KANSL1: variants seen among roughly 807,000 people sequenced by gnomAD.
KANSL1 encodes the protein MLL1/MLL complex subunit KANSL1.
In KANSL1, 22 loss-of-function variants were observed where a neutral mutation model predicts 103.6. The observed-to-expected ratio is 0.21, with a 90% CI of 0.15 to 0.30. The LOEUF is 0.30. KANSL1 is among the 10% of genes least tolerant of loss of function. The probability of loss-of-function intolerance (pLI) is 1.00; values close to 1 mark genes in which losing one functional copy is unlikely to be tolerated. For missense variants in KANSL1, 1,337 were observed against 1,399.8 expected (o/e 0.96, Z 0.72); for synonymous variants, 600 against 527.6 (o/e 1.14, Z -1.88).
At chr17:46,169,259 G>A (rs765037096) in intron 2 of KANSL1, among the ~76,000 whole-genome samples, 1 of 152,324 alleles carries the variant, frequency 6.6e-6, no homozygotes, top group South Asian at 2.1e-4. Flanking sequence ...GATGGGTTAC[G>A]GAAGAAGCAA....
chr17:46,040,602 T>G (rs765272384), intron 7 of KANSL1: 10 of 152,274 alleles, frequency 6.6e-5, no homozygotes, highest in Non-Finnish European at 1.2e-4. Flanking sequence ...CCGTGTATTC[T>G]AATATCCAGT....
At chr17:46,094,317 G>A (rs1334433498) in intron 3 of KANSL1, 5 of 507,620 alleles carry the variant, frequency 9.8e-6, no homozygotes, top group African/African-American at 2.0e-5. Flanking sequence ...GGCTGGTCTC[G>A]AACTCCTGAG....
intron 1 of KANSL1, among the ~76,000 whole-genome samples, chr17:46,200,445 A>T (rs2047762046): frequency 6.6e-6 from 1 of 152,106 alleles, no homozygotes; most frequent in Admixed American, 6.5e-5. Flanking sequence ...AACACACCTT[A>T]AAAAATATCT....
chr17:46,073,149 T>C (rs2078637788), intron 4 of KANSL1, among the ~76,000 whole-genome samples: 1 of 152,238 alleles, frequency 6.6e-6, no homozygotes, highest in Non-Finnish European at 1.5e-5. Context: ...AGAGTATTCC[T>C]ACTTACACCA....
intron 4 of KANSL1, among the ~76,000 whole-genome samples, chr17:46,071,089 A>G (rs574117378): frequency 3.9e-5 from 6 of 152,212 alleles, no homozygotes; most frequent in Admixed American, 2.0e-4. Flanking sequence ...GCAGGTGTAT[A>G]TATTTAAATG....
At chr17:46,035,832 A>G (rs2077130388) in intron 10 of KANSL1, 1 of 112,692 alleles carries the variant, frequency 8.9e-6, no homozygotes, top group South Asian at 2.4e-4. Flanking sequence ...AAGATACTGG[A>G]GCAGGTTGTG....
At position 46,052,963 on chromosome 17, in the gene KANSL1, C is replaced by CAAAAA. The variant is rs2077769956; in HGVS notation, c.1849-2260_1849-2259insTTTTT. On this transcript the variant is annotated intron_variant, in intron 6 of 14. Transcript: ENST00000432791. ...TGGGAAAAAGAGTAAGATCCTGTCT[C>CAAAAA]CAAAAAAAAAAAAAAAAAAAAAAAA... 7.4e-4 allele frequency among the ~76,000 whole-genome samples: 32 copies of CAAAAA among 43,140 alleles called. 8 individuals carry two copies. The highest frequency in any genetic ancestry group is 3.3e-3 in the African/African-American group (32 of 9,806). 28.3% of individuals were successfully genotyped at this position (43,140 alleles called of 152,430 possible).
At chr17:46,177,590 C>T (rs1190545356) in intron 1 of KANSL1, among the ~76,000 whole-genome samples, 4 of 152,244 alleles carry the variant, frequency 2.6e-5, no homozygotes, top group African/African-American at 9.6e-5. Context: ...CAAAACAAAA[C>T]ACAGTATCAT....
intron 2 of KANSL1, among the ~76,000 whole-genome samples, chr17:46,098,710 C>A (rs907819128): frequency 6.6e-6 from 1 of 152,210 alleles, no homozygotes; most frequent in African/African-American, 2.4e-5. Context: ...TTTCATTTTA[C>A]AAGTGTATCT....
intron 6 of KANSL1, among the ~76,000 whole-genome samples, chr17:46,056,925 C>T (rs1271599380): frequency 6.6e-6 from 1 of 152,144 alleles, no homozygotes; most frequent in Non-Finnish European, 1.5e-5. Flanking sequence ...CTCCCTACTC[C>T]CCCAATTTGT....
At chr17:46,142,964 T>C (rs1214569120) in intron 2 of KANSL1, among the ~76,000 whole-genome samples, 2 of 152,236 alleles carry the variant, frequency 1.3e-5, no homozygotes, top group Admixed American at 6.5e-5. Flanking sequence ...AAAAGAATAG[T>C]ACAAGTATAT....
chr17:46,077,636 C>A (rs1399363808), intron 4 of KANSL1, among the ~76,000 whole-genome samples: 2 of 152,172 alleles, frequency 1.3e-5, no homozygotes, highest in Admixed American at 1.3e-4. Flanking sequence ...CGGCTCACTG[C>A]AACCTCTGTC....
intron 2 of KANSL1, among the ~76,000 whole-genome samples, chr17:46,151,107 G>C (rs2045073570): frequency 1.3e-5 from 2 of 152,166 alleles, no homozygotes; most frequent in Non-Finnish European, 2.9e-5. Context: ...GAAGTCCAAG[G>C]TTATTTCTAA....
rs1057522110 is a variant in KANSL1, at chr17:46,171,268, A to T, written c.876T>A (p.Ala292=). 6.2e-7 allele frequency: 1 copy of T among 1,614,116 alleles called. No homozygotes were observed. The highest frequency in any genetic ancestry group is 8.5e-7 in the Non-Finnish European group (1 of 1,180,046). Residue 292 remains alanine (A), a synonymous_variant, in exon 2 of 15, where the codon GCT becomes GCA. Transcript: ENST00000432791. ...ATCTGCGGGCACGGCTCTCAATGTCAGCCTGTCGCCGCAGTAAAGCTGTTA... is the reference window on the plus strand; with the variant it reads ...ATCTGCGGGCACGGCTCTCAATGTCTGCCTGTCGCCGCAGTAAAGCTGTTA... ...TRITALLRRQ[A]DIESRARRLQ...
At chr17:46,067,755 C>T in intron 4 of KANSL1, 88 bp from the exon 5 acceptor site, 4 of 696,536 alleles carry the variant, frequency 5.7e-6, no homozygotes, top group Non-Finnish European at 1.0e-5. Flanking sequence ...GCACAAAGCA[C>T]CTAAAACTTC....
Position 46,050,620 on chromosome 17 carries a change from G to A in KANSL1, c.1933C>T (p.Pro645Ser). Residue 645 changes from proline to serine, a missense_variant, in exon 7 of 15, where the codon CCT (proline) becomes TCT (serine). Around this residue, in one of 2 missense-constraint regions of KANSL1, gnomAD observed 780 missense variants for 923.4 expected, o/e 0.84. Transcript: ENST00000432791. ...GGGGCTTCATAGTGAATTTCGGGAG[G>A]CATGGTGTTGATGCTGCCTGAACCA... The part of the protein sequence containing the change: ...LCGSGSINTM[P>S]PEIHYEAPLL... The A allele has an allele frequency of 6.2e-7, 1 of 1,614,146 alleles. No individual in the cohort carries two copies. The highest frequency in any genetic ancestry group is 8.5e-7 in the Non-Finnish European group (1 of 1,180,006).
At chr17:46,210,489 A>AG (rs1471445281) in intron 1 of KANSL1, among the ~76,000 whole-genome samples, 901 of 75,686 alleles carry the variant, frequency 0.012, 23 homozygotes, top group Middle Eastern at 0.029. Flanking sequence ...AAAAAAAAAA[A>AG]AAAAAAAAAA....
At chr17:46,071,699 T>A (rs1327014429) in intron 4 of KANSL1, among the ~76,000 whole-genome samples, 1 of 152,222 alleles carries the variant, frequency 6.6e-6, no homozygotes, top group African/African-American at 2.4e-5. Flanking sequence ...GACTGAGATA[T>A]CTGCTATCCA....
At chr17:46,204,241 G>C (rs2047893942) in intron 1 of KANSL1, among the ~76,000 whole-genome samples, 1 of 152,206 alleles carries the variant, frequency 6.6e-6, no homozygotes, top group Non-Finnish European at 1.5e-5. Flanking sequence ...AGGATCACTT[G>C]AGGTCAGGAG....
Sources: allele counts gnomAD v4.1 joint callset (sites outside exome capture counted in the v4.1 genomes callset), GRCh38; gene constraint gnomAD v4.1.1; regional missense constraint gnomAD v4.1.1; transcripts MANE v1.5; gene names NCBI Gene and HGNC (gene_info 2026-07-23, HGNC 2026-07-21).